HTR1F: variants seen among roughly 807,000 people sequenced by gnomAD.
HTR1F encodes 5-hydroxytryptamine (serotonin) receptor 1F, G protein-coupled.
Under a neutral mutation model 24.0 loss-of-function variants are expected in HTR1F, and 17 were observed. The ratio of observed to expected loss-of-function variants is 0.71; its 90% CI spans 0.48 to 1.06. The LOEUF is 1.06. HTR1F is among the 50% of genes least tolerant of loss of function. HTR1F has a pLI of 0.00. For synonymous variants in HTR1F, 186 were observed against 156.8 expected (o/e 1.19, Z -1.39); for missense variants, 391 against 427.8 (o/e 0.91, Z 0.76).
chr3:87,925,401 C>A (rs573426814), intron 2 of HTR1F, among the ~76,000 whole-genome samples: 1 of 152,220 alleles, frequency 6.6e-6, no homozygotes, highest in East Asian at 1.9e-4. Flanking sequence ...AATGACCTCC[C>A]AGCTGTACTG....
chr3:87,847,812 A>G (rs1704980061), intron 2 of HTR1F, among the ~76,000 whole-genome samples: 1 of 151,842 alleles, frequency 6.6e-6, no homozygotes, highest in Non-Finnish European at 1.5e-5. Context: ...TTCCGTGCTT[A>G]GGTTATTCCA....
intron 2 of HTR1F, among the ~76,000 whole-genome samples, chr3:87,892,874 A>G (rs79554808): frequency 0.011 from 1,621 of 152,252 alleles, 24 homozygotes; most frequent in African/African-American, 0.036. Context: ...AATAAAAAAC[A>G]GTTTGCTACC....
At chr3:87,900,235 C>T (rs1369463085) in intron 2 of HTR1F, among the ~76,000 whole-genome samples, 2 of 152,028 alleles carry the variant, frequency 1.3e-5, no homozygotes, top group Non-Finnish European at 2.9e-5. Context: ...GGATGGGATG[C>T]CATTTAAACA....
At chr3:87,865,860 T>C (rs1705416189) in intron 2 of HTR1F, among the ~76,000 whole-genome samples, 1 of 152,212 alleles carries the variant, frequency 6.6e-6, no homozygotes, top group South Asian at 2.1e-4. Context: ...GTTGCATGTA[T>C]ATCTACCAGT....
intron 1 of HTR1F, among the ~76,000 whole-genome samples, chr3:87,820,880 A>T (rs1704347023): frequency 6.6e-6 from 1 of 152,162 alleles, no homozygotes; most frequent in African/African-American, 2.4e-5. Flanking sequence ...AGGTAAATCA[A>T]ATTAAAATTT....
chr3:87,860,668 TAGAATC>T (rs1265608712), intron 2 of HTR1F, among the ~76,000 whole-genome samples: 1 of 152,194 alleles, frequency 6.6e-6, no homozygotes, highest in Non-Finnish European at 1.5e-5. Context: ...GGTTGAGGCT[TAGAATC>T]AGAAAAGTAC....
At chr3:87,796,154 G>T (rs1373572121) in intron 1 of HTR1F, among the ~76,000 whole-genome samples, 1 of 152,140 alleles carries the variant, frequency 6.6e-6, no homozygotes, top group Non-Finnish European at 1.5e-5. Flanking sequence ...TAACCAGGAT[G>T]TATTGTAGAG....
chr3:87,841,033 A>T (rs992932128), intron 2 of HTR1F, among the ~76,000 whole-genome samples: 1 of 151,968 alleles, frequency 6.6e-6, no homozygotes, highest in African/African-American at 2.4e-5. Flanking sequence ...AAGAAAATAT[A>T]ATTAATAATT....
intron 2 of HTR1F, among the ~76,000 whole-genome samples, chr3:87,865,951 T>G (rs1015589573): frequency 6.6e-6 from 1 of 152,114 alleles, no homozygotes; most frequent in Non-Finnish European, 1.5e-5. Flanking sequence ...TTGATATCAA[T>G]CACCAGCAAT....
At chr3:87,863,369 AT>A (rs1559610122) in intron 2 of HTR1F, among the ~76,000 whole-genome samples, 2 of 152,172 alleles carry the variant, frequency 1.3e-5, no homozygotes, top group Admixed American at 1.3e-4. Flanking sequence ...TTTTTCAAAC[AT>A]TTTATTTGTT....
At chr3:87,976,745 A>G (rs1257430877) in intron 2 of HTR1F, among the ~76,000 whole-genome samples, 18 of 152,230 alleles carry the variant, frequency 1.2e-4, no homozygotes, top group Admixed American at 1.0e-3. Context: ...TTTACAAACA[A>G]AAGTTTTAAA....
chr3:87,899,676 A>T (rs536444820), intron 2 of HTR1F, among the ~76,000 whole-genome samples: 2 of 152,248 alleles, frequency 1.3e-5, no homozygotes, highest in East Asian at 3.9e-4. Flanking sequence ...CAGACTGGCC[A>T]ACATAGTGAA....
chr3:87,932,755 G>A (rs1284626711), intron 2 of HTR1F, among the ~76,000 whole-genome samples: 5 of 151,590 alleles, frequency 3.3e-5, no homozygotes, highest in African/African-American at 1.2e-4. Context: ...TGGACTCACA[G>A]CCGAATTCTA....
intron 2 of HTR1F, among the ~76,000 whole-genome samples, chr3:87,831,068 A>G (rs554230150): frequency 3.3e-5 from 5 of 152,056 alleles, no homozygotes; most frequent in Non-Finnish European, 7.4e-5. Flanking sequence ...AAAATAATCA[A>G]TGAATCAATC....
chr3:87,853,736 A>C (rs1705139104), intron 2 of HTR1F, among the ~76,000 whole-genome samples: 1 of 151,858 alleles, frequency 6.6e-6, no homozygotes, highest in Non-Finnish European at 1.5e-5. Flanking sequence ...TTATTTTTTG[A>C]CTTTCTAATA....
intron 2 of HTR1F, among the ~76,000 whole-genome samples, chr3:87,958,323 T>C (rs1385333056): frequency 6.6e-6 from 1 of 151,620 alleles, no homozygotes; most frequent in Non-Finnish European, 1.5e-5. Flanking sequence ...TTTTGTTTTG[T>C]TTTATTTTCT....
At chr3:87,839,384 C>A (rs184491975) in intron 2 of HTR1F, among the ~76,000 whole-genome samples, 15 of 152,088 alleles carry the variant, frequency 9.9e-5, no homozygotes, top group South Asian at 6.2e-4. Context: ...GGATTTACAC[C>A]TGAGTTCTGT....
At chr3:87,975,225 C>A (rs1228563739) in intron 2 of HTR1F, among the ~76,000 whole-genome samples, 3 of 151,078 alleles carry the variant, frequency 2.0e-5, no homozygotes, top group African/African-American at 7.3e-5. Flanking sequence ...AATGTTAGTC[C>A]AAAAATCTTG....
Position 87,823,834 on chromosome 3 carries a change from GCGGAT to G in HTR1F, c.-43+1712_-43+1716del. Reference sequence around the variant, plus strand: ...CAGCACTTTTGGGAGGCCGATGCGGGCGGATCACGAGTTCAAGAGATGGAGACCAT... The same window carrying G: ...CAGCACTTTTGGGAGGCCGATGCGGGCACGAGTTCAAGAGATGGAGACCAT... On this transcript the variant is annotated intron_variant, in intron 2 of 2. Coordinates refer to ENST00000319595, the MANE Select transcript of HTR1F (RefSeq NM_001322209.2). 2.0e-5 allele frequency among the ~76,000 whole-genome samples: 3 copies of G among 152,218 alleles called. No individual in the cohort carries two copies. The South Asian group carries it at 6.2e-4, about 32-fold the overall frequency.
Sources: gnomAD v4.1 joint callset for allele counts (sites outside exome capture counted in the v4.1 genomes callset) on GRCh38, gnomAD v4.1.1 for gene constraint, MANE v1.5 for transcripts, NCBI Gene and HGNC (gene_info 2026-07-23, HGNC 2026-07-21) for gene names.